The following RBFOX1 variants were observed in gnomAD, a reference collection of about 807,000 sequenced individuals.
RBFOX1 encodes the protein RNA binding protein fox-1 homolog 1.
RBFOX1 carries 8 observed loss-of-function variants against 57.7 expected under a neutral mutation model. The observed-to-expected ratio is 0.14, with a 90% CI of 0.08 to 0.25. The LOEUF (loss-of-function observed/expected upper bound fraction) is 0.25. Ranked by LOEUF, RBFOX1 falls within the 10% of genes least tolerant of loss-of-function variation. The pLI, the probability that RBFOX1 is intolerant of heterozygous loss-of-function variation, is 1.00. For missense variants in RBFOX1, 611 were observed against 548.5 expected (o/e 1.11, Z -1.14); for synonymous variants, 326 against 222.4 (o/e 1.47, Z -4.15).
At chr16:6,909,671 G>T (rs145597575) in intron 3 of RBFOX1, among the ~76,000 whole-genome samples, 13 of 152,160 alleles carry the variant, frequency 8.5e-5, no homozygotes, top group African/African-American at 3.1e-4. Context: ...TAGAGAAGTC[G>T]GAATCCTATG....
chr16:7,688,535 C>T (rs892995270), intron 14 of RBFOX1, among the ~76,000 whole-genome samples: 2 of 151,958 alleles, frequency 1.3e-5, no homozygotes, highest in African/African-American at 4.8e-5. Context: ...CACAGGCTGG[C>T]TACTGTTTTA....
chr16:6,722,693 G>T (rs886157886), intron 3 of RBFOX1, among the ~76,000 whole-genome samples: 1 of 152,132 alleles, frequency 6.6e-6, no homozygotes, highest in South Asian at 2.1e-4. Context: ...TCTTGCAGTT[G>T]CACAACCCAT....
chr16:7,394,328 T>C (rs1052223374), intron 4 of RBFOX1, among the ~76,000 whole-genome samples: 1 of 151,168 alleles, frequency 6.6e-6, no homozygotes, highest in Non-Finnish European at 1.5e-5. Context: ...GGGATTGCTG[T>C]ATAAATAATG....
intron 4 of RBFOX1, among the ~76,000 whole-genome samples, chr16:6,009,816 C>CTGTGTGTGTCTGTGTG (rs1555469439): frequency 1.3e-5 from 2 of 148,418 alleles, no homozygotes; most frequent in African/African-American, 5.0e-5. Flanking sequence ...GTGTGTGTGT[C>CTGTGTGTGTCTGTGTG]TGTGTGTGTG....
chr16:6,753,963 T>A (rs2075375233), intron 3 of RBFOX1, among the ~76,000 whole-genome samples: 2 of 152,172 alleles, frequency 1.3e-5, no homozygotes, highest in Admixed American at 1.3e-4. Flanking sequence ...TCACTCCTTA[T>A]GGAGCTGACT....
At chr16:5,454,219 C>A (rs565864518) in intron 1 of RBFOX1, among the ~76,000 whole-genome samples, 1 of 152,120 alleles carries the variant, frequency 6.6e-6, no homozygotes, top group African/African-American at 2.4e-5. Context: ...GATCTCTGGC[C>A]GAAGTCCTTC....
At chr16:7,222,954 G>C (rs988421770) in intron 4 of RBFOX1, among the ~76,000 whole-genome samples, 2 of 152,004 alleles carry the variant, frequency 1.3e-5, no homozygotes, top group African/African-American at 2.4e-5. Context: ...TTTTCTTTGA[G>C]CGTCCCTTGT....
chr16:7,057,374 C>T (rs1456706410), intron 4 of RBFOX1, among the ~76,000 whole-genome samples: 3 of 152,168 alleles, frequency 2.0e-5, no homozygotes, highest in East Asian at 1.9e-4. Context: ...CTGAACTCAA[C>T]GTATGTCTTG....
intron 4 of RBFOX1, among the ~76,000 whole-genome samples, chr16:7,091,748 T>G (rs1038397302): frequency 6.6e-6 from 1 of 152,202 alleles, no homozygotes; most frequent in South Asian, 2.1e-4. Flanking sequence ...ATTCTGCATT[T>G]TCTTTCCTGA....
intron 4 of RBFOX1, among the ~76,000 whole-genome samples, chr16:7,080,387 C>G (rs1417959724): frequency 3.9e-5 from 6 of 152,130 alleles, no homozygotes; most frequent in South Asian, 2.1e-4. Context: ...AACAAGTAAC[C>G]TGTCTTTATC....
chr16:7,590,828 C>A (rs558029901), intron 7 of RBFOX1, among the ~76,000 whole-genome samples: 3 of 147,086 alleles, frequency 2.0e-5, no homozygotes, highest in Non-Finnish European at 3.0e-5. Context: ...CATTGCATTC[C>A]AGCCTGGGCA....
intron 3 of RBFOX1, among the ~76,000 whole-genome samples, chr16:5,639,451 A>T (rs891014596): frequency 6.6e-6 from 1 of 152,168 alleles, no homozygotes; most frequent in Middle Eastern, 3.2e-3. Context: ...ATATGAATCA[A>T]GACTTCTTTT....
At chr16:5,342,268 A>G (rs962143169) in intron 1 of RBFOX1, among the ~76,000 whole-genome samples, 6 of 152,184 alleles carry the variant, frequency 3.9e-5, no homozygotes, top group Non-Finnish European at 8.8e-5. Flanking sequence ...GAGGTGACTG[A>G]GCAACCCTGG....
intron 4 of RBFOX1, among the ~76,000 whole-genome samples, chr16:7,510,487 CTGTGTGTG>C (rs59583874): frequency 3.3e-5 from 5 of 149,570 alleles, no homozygotes; most frequent in African/African-American, 7.4e-5. Context: ...GTATGTGTGT[CTGTGTGTG>C]TGTGTGTGTG....
intron 2 of RBFOX1, among the ~76,000 whole-genome samples, chr16:5,576,414 C>T (rs963307601): frequency 2.6e-5 from 4 of 152,118 alleles, no homozygotes; most frequent in African/African-American, 4.8e-5. Context: ...CACCAAGAAG[C>T]GTGGTTTAAA....
At chr16:5,464,858 G>T (rs1178176998) in intron 1 of RBFOX1, among the ~76,000 whole-genome samples, 2 of 152,170 alleles carry the variant, frequency 1.3e-5, no homozygotes, top group Admixed American at 1.3e-4. Flanking sequence ...GGAGGCACAG[G>T]GTGTGGCTCT....
chr16:5,284,756 A>ATTTTTT (rs1166998032), intron 1 of RBFOX1, among the ~76,000 whole-genome samples: 3 of 61,032 alleles, frequency 4.9e-5, no homozygotes, highest in Non-Finnish European at 8.9e-5. Flanking sequence ...TTTGGCTTAG[A>ATTTTTT]TTTTTTTTTT....
intron 3 of RBFOX1, among the ~76,000 whole-genome samples, chr16:5,846,991 A>G (rs779939141): frequency 6.6e-6 from 1 of 152,150 alleles, no homozygotes; most frequent in Non-Finnish European, 1.5e-5. Flanking sequence ...GTCTGTCTCC[A>G]TCTCCTTAGC....
At chr16:6,945,177 G>A (rs1335731325) in intron 3 of RBFOX1, among the ~76,000 whole-genome samples, 1 of 152,146 alleles carries the variant, frequency 6.6e-6, no homozygotes, top group African/African-American at 2.4e-5. Flanking sequence ...AAAGGGCTGT[G>A]ACCTCAGACT....
Sources: allele counts gnomAD v4.1 joint callset (sites outside exome capture counted in the v4.1 genomes callset), GRCh38; gene constraint gnomAD v4.1.1; transcripts MANE v1.5; gene names NCBI Gene and HGNC (gene_info 2026-07-23, HGNC 2026-07-21).